The following KDM4C variants were observed in gnomAD, a reference collection of about 807,000 sequenced individuals.
KDM4C encodes lysine demethylase 4C, also known as lysine-specific demethylase 4C.
A neutral mutation model predicts 129.3 loss-of-function variants in KDM4C; 81 were observed. The observed-to-expected ratio is 0.63, with a 90% confidence interval of 0.52 to 0.75. The LOEUF (loss-of-function observed/expected upper bound fraction) is 0.75, where lower values mean the gene tolerates loss of function less well. KDM4C is among the 30% of genes least tolerant of loss of function. The pLI is 0.00. For synonymous variants in KDM4C, 573 were observed against 456.1 expected (o/e 1.26, Z -3.26); for missense variants, 1,457 against 1,304.0 (o/e 1.12, Z -1.81).
chr9:6,806,514 T>C (rs75888569), intron 3 of KDM4C, among the ~76,000 whole-genome samples: 1 of 150,294 alleles, frequency 6.7e-6, no homozygotes, highest in African/African-American at 2.5e-5. Context: ...AATAAATAAA[T>C]AAATAAATAA....
intron 17 of KDM4C, among the ~76,000 whole-genome samples, chr9:7,097,403 C>T (rs1836565671): frequency 6.6e-6 from 1 of 152,204 alleles, no homozygotes; most frequent in East Asian, 1.9e-4. Flanking sequence ...GGAACTCATC[C>T]AGCTGTGTCT....
chr9:7,116,438 C>T (rs1371714469), intron 18 of KDM4C, among the ~76,000 whole-genome samples: 2 of 87,054 alleles, frequency 2.3e-5, no homozygotes, highest in Non-Finnish European at 4.9e-5. Flanking sequence ...CTTAGGTGAT[C>T]AAGAACAGGA....
intron 2 of KDM4C, among the ~76,000 whole-genome samples, chr9:6,800,853 C>T (rs985401097): frequency 1.3e-5 from 2 of 152,148 alleles, no homozygotes. Flanking sequence ...GTCTCGAATT[C>T]CTGAGCTCTA....
At chr9:6,932,965 G>C (rs1299228489) in intron 8 of KDM4C, among the ~76,000 whole-genome samples, 3 of 152,196 alleles carry the variant, frequency 2.0e-5, no homozygotes, top group Non-Finnish European at 1.5e-5. Flanking sequence ...CTTTGGTGTA[G>C]AGCTAATTTA....
chr9:6,768,953 A>G (rs1021265877), intron 1 of KDM4C, among the ~76,000 whole-genome samples: 1 of 152,040 alleles, frequency 6.6e-6, no homozygotes, highest in Non-Finnish European at 1.5e-5. Context: ...TTGTATTTTT[A>G]GTAGAGGCGG....
intron 5 of KDM4C, among the ~76,000 whole-genome samples, chr9:6,849,977 A>G (rs1838541496): frequency 6.6e-6 from 1 of 152,222 alleles, no homozygotes; most frequent in South Asian, 2.1e-4. Context: ...TTATAATGCA[A>G]TTGAAAAATT....
intron 5 of KDM4C, among the ~76,000 whole-genome samples, chr9:6,851,237 C>G (rs1049853379): frequency 6.6e-6 from 1 of 152,166 alleles, no homozygotes; most frequent in Non-Finnish European, 1.5e-5. Context: ...CCTCAACCTC[C>G]CAAAGTGCTG....
chr9:7,155,755 A>T (rs201184498), intron 19 of KDM4C, among the ~76,000 whole-genome samples: 6 of 152,156 alleles, frequency 3.9e-5, no homozygotes, highest in Admixed American at 6.5e-5. Context: ...ATCCAGTCTA[A>T]CATTGATGGA....
intron 8 of KDM4C, among the ~76,000 whole-genome samples, chr9:6,946,214 T>A (rs1040414296): frequency 2.0e-5 from 3 of 152,168 alleles, no homozygotes; most frequent in Non-Finnish European, 2.9e-5. Context: ...GAAATTATGC[T>A]TACTGCATTT....
intron 5 of KDM4C, among the ~76,000 whole-genome samples, chr9:6,857,944 T>TG (rs2130366038): frequency 6.8e-6 from 1 of 146,320 alleles, no homozygotes; most frequent in African/African-American, 2.5e-5. Flanking sequence ...TTTTTTTTTT[T>TG]TTAGAGATGG....
intron 15 of KDM4C, among the ~76,000 whole-genome samples, chr9:7,046,640 C>T (rs533909875): frequency 4.0e-4 from 61 of 152,074 alleles, no homozygotes; most frequent in African/African-American, 1.4e-3. Context: ...ATGATGGTTC[C>T]CTCTGGGAGA....
intron 20 of KDM4C, among the ~76,000 whole-genome samples, chr9:7,165,838 A>T (rs937220486): frequency 6.6e-6 from 1 of 152,220 alleles, no homozygotes. Flanking sequence ...TGTCACAAGG[A>T]GCTGATGGTT....
chr9:6,834,487 A>T, intron 4 of KDM4C: 1 of 611,936 alleles, frequency 1.6e-6, no homozygotes. Context: ...CCCGTCGTCG[A>T]CAACGGCTCC....
intron 15 of KDM4C, among the ~76,000 whole-genome samples, chr9:7,044,237 T>TCA (rs1487943748): frequency 2.5e-4 from 38 of 152,040 alleles, no homozygotes; most frequent in South Asian, 6.2e-4. Flanking sequence ...AGAATGTGTT[T>TCA]AGTTTAATTA....
intron 2 of KDM4C, among the ~76,000 whole-genome samples, chr9:6,802,897 G>A (rs952923316): frequency 1.3e-5 from 2 of 152,206 alleles, no homozygotes; most frequent in Admixed American, 6.5e-5. Context: ...GTGAGTCACC[G>A]TGTCTGGCCT....
chr9:7,122,285 T>TC lies in KDM4C; in HGVS notation c.2611-5781_2611-5780insC, dbSNP rs1554752011. Among the ~76,000 whole-genome samples the TC allele has an allele frequency of 4.9e-3, 740 of 150,976 alleles. 9 individuals carry two copies. Among genetic ancestry groups the TC allele is most frequent in the African/African-American group, 0.017 (698 of 41,118 alleles). On this transcript the variant is annotated intron_variant, in intron 18 of 21. Transcript: ENST00000381309. ...CACACACTCTCTCTCTCTCTCTCTC[T>TC]TAAACAGCCAGATCCTGTGAGAACT...
At chr9:7,094,242 C>T (rs1836147879) in intron 17 of KDM4C, among the ~76,000 whole-genome samples, 2 of 152,228 alleles carry the variant, frequency 1.3e-5, no homozygotes, top group Admixed American at 6.5e-5. Flanking sequence ...AGTGCAAAGC[C>T]ACATGGTGGC....
intron 21 of KDM4C, among the ~76,000 whole-genome samples, chr9:7,173,215 A>C (rs10815534): frequency 1.3e-5 from 2 of 152,146 alleles, no homozygotes; most frequent in Admixed American, 6.5e-5. Context: ...AGGAGTCCCA[A>C]AGAAGGACCC....
intron 8 of KDM4C, among the ~76,000 whole-genome samples, chr9:6,950,934 G>T (rs1033260077): frequency 6.6e-6 from 1 of 152,208 alleles, no homozygotes; most frequent in East Asian, 1.9e-4. Flanking sequence ...GAAAATACTT[G>T]AATTTTGGGG....
Sources: allele counts gnomAD v4.1 joint callset (sites outside exome capture counted in the v4.1 genomes callset), GRCh38; gene constraint gnomAD v4.1.1; transcripts MANE v1.5; gene names NCBI Gene and HGNC (gene_info 2026-07-23, HGNC 2026-07-21).